The following LRFN2 variants were observed in gnomAD, a reference collection of about 807,000 sequenced individuals.
LRFN2 encodes the protein leucine rich repeat and fibronectin type III domain containing 2.
Under a neutral mutation model 37.3 loss-of-function variants are expected in LRFN2, and 18 were observed. The observed-to-expected ratio is 0.48, with a 90% CI of 0.33 to 0.72. The LOEUF (loss-of-function observed/expected upper bound fraction) is 0.72, where lower values mean the gene tolerates loss of function less well. LRFN2 is among the 30% of genes least tolerant of loss of function. The probability of loss-of-function intolerance (pLI) is 0.02; values close to 1 mark genes in which losing one functional copy is unlikely to be tolerated. For synonymous variants in LRFN2, 556 were observed against 466.6 expected (o/e 1.19, Z -2.47); for missense variants, 1,006 against 1,060.7 (o/e 0.95, Z 0.72).
intron 1 of LRFN2, among the ~76,000 whole-genome samples, chr6:40,550,812 T>C (rs1766762806): frequency 6.6e-6 from 1 of 152,204 alleles, no homozygotes; most frequent in Admixed American, 6.5e-5. Context: ...TGAAGAGGAC[T>C]CACAGTGTTG....
chr6:40,502,023 G>C (rs1206329161), intron 1 of LRFN2, among the ~76,000 whole-genome samples: 2 of 152,214 alleles, frequency 1.3e-5, no homozygotes, highest in Non-Finnish European at 2.9e-5. Flanking sequence ...TGGGGAGACA[G>C]ACAGACAACT....
At position 40,435,781 on chromosome 6, in the gene LRFN2, G is replaced by A. The variant is rs138805119; in HGVS notation, c.-18-2650C>T. 8.5e-5 allele frequency among the ~76,000 whole-genome samples: 13 copies of A among 152,140 alleles called. No individual in the cohort carries two copies. The South Asian group carries it at 1.0e-3, about 12-fold the overall frequency. Reference sequence around the variant, plus strand: ...TCTCGATCTCCTGACCTTGTGATCCGCCCGTCTTGGCCTCCTGTAATAGCT... The same window carrying A: ...TCTCGATCTCCTGACCTTGTGATCCACCCGTCTTGGCCTCCTGTAATAGCT... On this transcript the variant is annotated intron_variant, in intron 1 of 2. Transcript: ENST00000338305.
At chr6:40,551,556 T>G (rs1281393882) in intron 1 of LRFN2, among the ~76,000 whole-genome samples, 1 of 152,256 alleles carries the variant, frequency 6.6e-6, no homozygotes, top group East Asian at 1.9e-4. Flanking sequence ...CTCTTGAGTT[T>G]AATTAATTCA....
intron 1 of LRFN2, among the ~76,000 whole-genome samples, chr6:40,434,168 G>T (rs939123656): frequency 1.3e-5 from 2 of 152,294 alleles, no homozygotes; most frequent in African/African-American, 4.8e-5. Context: ...CAAGAAGAAG[G>T]GACCTCTTTT....
chr6:40,556,426 A>G (rs1178265074), intron 1 of LRFN2, among the ~76,000 whole-genome samples: 1 of 152,170 alleles, frequency 6.6e-6, no homozygotes, highest in African/African-American at 2.4e-5. Context: ...AGGGGCATGA[A>G]GCCCCACCTG....
intron 2 of LRFN2, among the ~76,000 whole-genome samples, chr6:40,426,292 C>T (rs907182693): frequency 3.9e-5 from 6 of 152,336 alleles, no homozygotes; most frequent in Middle Eastern, 3.4e-3. Context: ...CTGCCTGCTT[C>T]GTATCCCTGG....
chr6:40,433,247 T>G (rs1171171127), intron 1 of LRFN2, 116 bp from the exon 2 acceptor site: 8 of 790,538 alleles, frequency 1.0e-5, no homozygotes, highest in Non-Finnish European at 1.3e-5. Flanking sequence ...GAATGGCAAG[T>G]GCTCAAGCAA....
Position 40,392,932 on chromosome 6 carries a change from G to T in LRFN2, c.1401-20C>A. 6.7e-7 allele frequency: 1 copy of T among 1,491,806 alleles called. No individual in the cohort carries two copies. The highest frequency in any genetic ancestry group is 9.0e-7 in the Non-Finnish European group (1 of 1,106,062). 92.4% of individuals were successfully genotyped at this position (1,491,806 alleles called of 1,614,324 possible). On this transcript the variant is annotated intron_variant, in intron 2 of 2. Transcript: ENST00000338305. The surrounding 1 kb of genome is among the most constrained non-coding windows in gnomAD (Gnocchi z 4.7). ...ATCATCCTGGGGAGGGAGGTGGACA[G>T]AAATAGTGAGGGGTGGTGGGGTGGA... is the stretch of plus-strand genomic sequence containing the variant.
At position 40,468,861 on chromosome 6, in the gene LRFN2, C is replaced by T. The variant is rs72852014; in HGVS notation, c.-18-35730G>A. Among the ~76,000 whole-genome samples, 111 of 152,158 alleles carry T rather than the reference C, an allele frequency of 7.3e-4. 1 individual carries two copies. The South Asian group carries it at 7.5e-3, about 10-fold the overall frequency. The stretch of plus-strand genomic sequence containing the variant: ...ATCATGTCGGCCCTATGTATCCTCC[C>T]GGTCAATTTTGAAGTGCAGTGAGTG... On this transcript the variant is annotated intron_variant, in intron 1 of 2. Transcript: ENST00000338305.
chr6:40,481,738 G>A (rs755285496), intron 1 of LRFN2, among the ~76,000 whole-genome samples: 6 of 152,104 alleles, frequency 3.9e-5, no homozygotes, highest in Non-Finnish European at 7.3e-5. Context: ...CCTGGGTGAG[G>A]TTAGGCTAGC....
At chr6:40,438,059 T>A (rs544768668) in intron 1 of LRFN2, among the ~76,000 whole-genome samples, 8 of 152,284 alleles carry the variant, frequency 5.3e-5, no homozygotes, top group African/African-American at 1.9e-4. Flanking sequence ...TGGTATCAAA[T>A]GTCAGAATCA....
chr6:40,471,622 T>C (rs1031621490), intron 1 of LRFN2, among the ~76,000 whole-genome samples: 1 of 152,148 alleles, frequency 6.6e-6, no homozygotes, highest in Non-Finnish European at 1.5e-5. Flanking sequence ...ATTAGAAGGA[T>C]GACAATGGCA....
At chr6:40,578,084 C>T (rs1282966456) in intron 1 of LRFN2, among the ~76,000 whole-genome samples, 2 of 152,172 alleles carry the variant, frequency 1.3e-5, no homozygotes, top group Non-Finnish European at 2.9e-5. Context: ...ACTCTTATCC[C>T]TATCCCCATC....
intron 1 of LRFN2, among the ~76,000 whole-genome samples, chr6:40,558,872 C>T (rs552240611): frequency 4.1e-4 from 63 of 152,306 alleles, no homozygotes; most frequent in Middle Eastern, 3.4e-3. Flanking sequence ...CAATCAGAGG[C>T]ATCTCAATCC....
At chr6:40,439,574 T>C (rs1763781183) in intron 1 of LRFN2, among the ~76,000 whole-genome samples, 1 of 152,106 alleles carries the variant, frequency 6.6e-6, no homozygotes, top group Non-Finnish European at 1.5e-5. Context: ...ATGTGCCAGC[T>C]CCAGTGTGAA....
chr6:40,404,315 T>C (rs1762801612), intron 2 of LRFN2, among the ~76,000 whole-genome samples: 1 of 152,102 alleles, frequency 6.6e-6, no homozygotes, highest in East Asian at 1.9e-4. Flanking sequence ...TTTTTGCCTG[T>C]TTTGTTCACT....
Position 40,583,198 on chromosome 6 carries a change from A to AT in LRFN2, c.-19+3742_-19+3743insA, listed in dbSNP as rs569159141. On this transcript the variant is annotated intron_variant, in intron 1 of 2. Transcript: ENST00000338305. ...ATACATATGTATATAGTGTATATAT[A>AT]GACATATATATACACTATATACATA... 1.0e-2 allele frequency among the ~76,000 whole-genome samples: 520 copies of AT among 52,104 alleles called. 1 individual carries two copies. The highest frequency in any genetic ancestry group is 0.051 in the African/African-American group (496 of 9,704). 34.2% of individuals were successfully genotyped at this position (52,104 alleles called of 152,430 possible). A position where few individuals can be genotyped will look rare whatever the true frequency, so the allele number is the denominator to read the frequency against.
chr6:40,582,671 A>G (rs1290431526), intron 1 of LRFN2, among the ~76,000 whole-genome samples: 1 of 148,570 alleles, frequency 6.7e-6, no homozygotes, highest in African/African-American at 2.5e-5. Flanking sequence ...GGGCCCCCAT[A>G]CCTTCTATAC....
At chr6:40,565,714 C>A (rs1767077716) in intron 1 of LRFN2, among the ~76,000 whole-genome samples, 2 of 150,508 alleles carry the variant, frequency 1.3e-5, no homozygotes, top group South Asian at 2.1e-4. Context: ...CCCTTCCTTA[C>A]ACCTTATACA....
Sources: allele counts gnomAD v4.1 joint callset (sites outside exome capture counted in the v4.1 genomes callset), GRCh38; gene constraint gnomAD v4.1.1; non-coding constraint Gnocchi (gnomAD v3.1); transcripts MANE v1.5; gene names NCBI Gene and HGNC (gene_info 2026-07-23, HGNC 2026-07-21).